Variants in CSMD1 observed in about 807,000 individuals in gnomAD.
CSMD1 encodes the protein CUB and Sushi multiple domains 1.
A neutral mutation model predicts 417.5 loss-of-function variants in CSMD1; 213 were observed. That is an observed-to-expected ratio of 0.51 (90% confidence interval 0.46 to 0.57). The LOEUF (loss-of-function observed/expected upper bound fraction) is 0.57, where lower values mean the gene tolerates loss of function less well. Ranked by LOEUF, CSMD1 falls within the 20% of genes least tolerant of loss-of-function variation. The probability of loss-of-function intolerance (pLI) is 0.00; values close to 1 mark genes in which losing one functional copy is unlikely to be tolerated. For synonymous variants in CSMD1, 2,862 were observed against 1,736.8 expected, an observed-to-expected ratio of 1.65 and a Z score of -16.11; for missense variants, 6,923 against 4,529.7, an observed-to-expected ratio of 1.53 and a Z score of -15.17.
At chr8:4,000,655 T>G (rs891618675) in intron 4 of CSMD1, among the ~76,000 whole-genome samples, 1 of 152,298 alleles carries the variant, frequency 6.6e-6, no homozygotes, top group East Asian at 1.9e-4. Context: ...AGATATTTAC[T>G]TTTATTATTG....
intron 3 of CSMD1, among the ~76,000 whole-genome samples, chr8:4,046,918 T>C (rs1309069462): frequency 6.6e-6 from 1 of 152,078 alleles, no homozygotes; most frequent in Non-Finnish European, 1.5e-5. Flanking sequence ...GAGAGAGGCT[T>C]ATGGCCAAGA....
At chr8:4,123,863 A>T (rs1186533233) in intron 3 of CSMD1, among the ~76,000 whole-genome samples, 1 of 152,192 alleles carries the variant, frequency 6.6e-6, no homozygotes, top group East Asian at 1.9e-4. Context: ...TTTCAACGAG[A>T]TACACATTCC....
At chr8:4,809,466 C>A (rs1311420661) in intron 1 of CSMD1, among the ~76,000 whole-genome samples, 2 of 152,188 alleles carry the variant, frequency 1.3e-5, no homozygotes, top group South Asian at 2.1e-4. Context: ...TATAAACTAA[C>A]AAGAGACTTC....
At chr8:4,284,639 G>C (rs1171842335) in intron 3 of CSMD1, among the ~76,000 whole-genome samples, 3 of 152,030 alleles carry the variant, frequency 2.0e-5, no homozygotes, top group Non-Finnish European at 2.9e-5. Context: ...TGTTCTCCAA[G>C]GGTGGACTCA....
intron 5 of CSMD1, among the ~76,000 whole-genome samples, chr8:3,834,459 G>A (rs1240826510): frequency 6.6e-6 from 1 of 152,186 alleles, no homozygotes; most frequent in Admixed American, 6.5e-5. Context: ...CCGGCAGGCA[G>A]TGCTCCATGT....
At chr8:3,157,533 G>A (rs1311331971) in intron 39 of CSMD1, among the ~76,000 whole-genome samples, 3 of 152,108 alleles carry the variant, frequency 2.0e-5, no homozygotes, top group South Asian at 2.1e-4. Flanking sequence ...TTTTTTCTGA[G>A]GCTAAAGGTC....
chr8:3,288,014 G>A (rs988357332), intron 25 of CSMD1, among the ~76,000 whole-genome samples: 5 of 147,334 alleles, frequency 3.4e-5, no homozygotes, highest in South Asian at 2.1e-4. Flanking sequence ...TAGCATGAAA[G>A]GTTGTTGAAT....
intron 2 of CSMD1, among the ~76,000 whole-genome samples, chr8:4,611,972 T>G (rs1391020043): frequency 1.3e-5 from 2 of 152,182 alleles, no homozygotes; most frequent in African/African-American, 4.8e-5. Context: ...TTGTGTGTTT[T>G]TTTCCTCCTA....
rs75973256 is a variant in CSMD1, at chr8:4,613,418, C to G, written c.302+23924G>C. Among the ~76,000 whole-genome samples, 592 of 152,268 alleles carry G rather than the reference C, an allele frequency of 3.9e-3. 1 individual carries two copies. Among genetic ancestry groups the G allele is most frequent in the African/African-American group, 0.014 (568 of 41,550 alleles). The stretch of plus-strand genomic sequence containing the variant: ...TTAGAGCTTAGGCAAGCTCATGCTA[C>G]TCATGAACTAGGTTAGTTGCCTCCA... On this transcript the variant is annotated intron_variant, in intron 2 of 69. Transcript: ENST00000635120.
At chr8:4,915,385 G>C (rs1049783204) in intron 1 of CSMD1, among the ~76,000 whole-genome samples, 5 of 152,152 alleles carry the variant, frequency 3.3e-5, no homozygotes, top group African/African-American at 1.2e-4. Context: ...CGTAGATTCT[G>C]ATCCGTATTT....
Position 4,695,954 on chromosome 8 carries a change from G to C in CSMD1, c.86-58396C>G, listed in dbSNP as rs138991726. Among the ~76,000 whole-genome samples the C allele has an allele frequency of 4.1e-3, 617 of 152,294 alleles. 5 individuals are homozygous for C. Among genetic ancestry groups the C allele is most frequent in the African/African-American group, 0.014 (588 of 41,556 alleles). ...AGGATCTACATGAAAGCCGGCTGTG[G>C]TTAGAGACTTGGGTTCCGGAGGGAG... is the stretch of plus-strand genomic sequence containing the variant. On this transcript the variant is annotated intron_variant, in intron 1 of 69. Transcript: ENST00000635120.
intron 33 of CSMD1, among the ~76,000 whole-genome samples, chr8:3,199,333 T>C (rs965941273): frequency 2.6e-5 from 4 of 152,284 alleles, no homozygotes; most frequent in South Asian, 4.1e-4. Flanking sequence ...AATTGTATAA[T>C]GCATTTTAAA....
intron 3 of CSMD1, among the ~76,000 whole-genome samples, chr8:4,113,592 G>C (rs868109813): frequency 7.2e-5 from 11 of 151,908 alleles, no homozygotes; most frequent in African/African-American, 2.4e-4. Flanking sequence ...TTTTAGTAGA[G>C]ACAGAGTTTC....
chr8:2,951,931 C>A (rs1335727330), intron 65 of CSMD1, among the ~76,000 whole-genome samples: 1 of 152,118 alleles, frequency 6.6e-6, no homozygotes, highest in Non-Finnish European at 1.5e-5. Context: ...TTCTTTTATA[C>A]ATGTCTTTTA....
At chr8:3,516,644 AT>A (rs1442294836) in intron 10 of CSMD1, among the ~76,000 whole-genome samples, 1 of 152,128 alleles carries the variant, frequency 6.6e-6, no homozygotes, top group Non-Finnish European at 1.5e-5. Flanking sequence ...AATTTTAATT[AT>A]TGTGTTTTTC....
intron 5 of CSMD1, among the ~76,000 whole-genome samples, chr8:3,837,343 C>G (rs545591525): frequency 3.5e-4 from 54 of 152,134 alleles, no homozygotes; most frequent in African/African-American, 1.3e-3. Context: ...CATCAGAGCC[C>G]CAGGCTGGAG....
chr8:4,745,352 A>C (rs1357120378), intron 1 of CSMD1, among the ~76,000 whole-genome samples: 1 of 152,214 alleles, frequency 6.6e-6, no homozygotes, highest in Non-Finnish European at 1.5e-5. Context: ...TATACAGTTT[A>C]GTTACAAATG....
chr8:3,311,889 G>C (rs1805379626), intron 23 of CSMD1, among the ~76,000 whole-genome samples: 1 of 152,132 alleles, frequency 6.6e-6, no homozygotes, highest in South Asian at 2.1e-4. Flanking sequence ...TCTACAAGTA[G>C]TTTATAGCTA....
intron 1 of CSMD1, among the ~76,000 whole-genome samples, chr8:4,862,413 G>C (rs557308369): frequency 9.9e-5 from 15 of 152,216 alleles, no homozygotes; most frequent in African/African-American, 1.4e-4. Context: ...TAGCTGTGAA[G>C]TAGATGATGA....
Sources: allele counts gnomAD v4.1 joint callset (sites outside exome capture counted in the v4.1 genomes callset), GRCh38; gene constraint gnomAD v4.1.1; transcripts MANE v1.5; gene names NCBI Gene and HGNC (gene_info 2026-07-23, HGNC 2026-07-21).